ZKSCAN5: variants seen among roughly 807,000 people sequenced by gnomAD.
ZKSCAN5 encodes the protein zinc finger with KRAB and SCAN domains 5, also known as zinc finger protein with KRAB and SCAN domains 5.
In ZKSCAN5, 28 loss-of-function variants were observed where a neutral mutation model predicts 60.0. The ratio of observed to expected loss-of-function variants is 0.47; its 90% CI spans 0.35 to 0.64. The LOEUF (loss-of-function observed/expected upper bound fraction) is 0.64. Ranked by LOEUF, ZKSCAN5 falls within the 30% of genes least tolerant of loss-of-function variation. ZKSCAN5 has a pLI of 0.01. For missense variants in ZKSCAN5, 881 were observed against 1,034.6 expected (o/e 0.85, Z 2.04); for synonymous variants, 361 against 371.2 (o/e 0.97, Z 0.31).
intron 3 of ZKSCAN5, among the ~76,000 whole-genome samples, chr7:99,515,336 G>A (rs1050694435): frequency 6.6e-6 from 1 of 151,990 alleles, no homozygotes; most frequent in Non-Finnish European, 1.5e-5. Context: ...GAACACGGGA[G>A]GCAGAGGTTG....
At chr7:99,511,776 G>A (rs1233102926) in intron 2 of ZKSCAN5, among the ~76,000 whole-genome samples, 1 of 151,332 alleles carries the variant, frequency 6.6e-6, no homozygotes, top group East Asian at 2.0e-4. Context: ...CGTTTTTCCC[G>A]GCTGGCTTCT....
chr7:99,516,621 G>T (rs1801276393), intron 3 of ZKSCAN5, among the ~76,000 whole-genome samples: 1 of 152,128 alleles, frequency 6.6e-6, no homozygotes, highest in Non-Finnish European at 1.5e-5. Flanking sequence ...GTGAGATCCA[G>T]ACATGCTGTG....
At chr7:99,527,458 T>A (rs1427065348) in intron 6 of ZKSCAN5, among the ~76,000 whole-genome samples, 5 of 152,168 alleles carry the variant, frequency 3.3e-5, no homozygotes, top group African/African-American at 1.2e-4. Flanking sequence ...TGTTATTACT[T>A]AGTATGTTTC....
chr7:99,531,443 A>G lies in ZKSCAN5; in HGVS notation c.1714A>G (p.Thr572Ala). The change falls in exon 7 of 7, where the codon ACT becomes GCT. Residue 572 changes from threonine to alanine, a missense_variant. This residue lies in a region of ZKSCAN5 where 490 missense variants were observed against 554.5 expected (regional missense o/e 0.88). Coordinates refer to ENST00000326775, the MANE Select transcript of ZKSCAN5 (RefSeq NM_145102.4). ...TCTTATTCAACATCAAAGAATACACACTGGGGAGAAACCATTCAGGTGTGA... is the reference window on the plus strand; with the variant it reads ...TCTTATTCAACATCAAAGAATACACGCTGGGGAGAAACCATTCAGGTGTGA... The part of the protein sequence containing the change: ...AHLIQHQRIH[T>A]GEKPFRCEEC... The G allele has an allele frequency of 6.2e-7, 1 of 1,614,216 alleles. No individual in the cohort carries two copies. The highest frequency in any genetic ancestry group is 8.5e-7 in the Non-Finnish European group (1 of 1,180,032).
chr7:99,521,532 A>G (rs1289377942), intron 5 of ZKSCAN5, among the ~76,000 whole-genome samples: 1 of 152,126 alleles, frequency 6.6e-6, no homozygotes, highest in Non-Finnish European at 1.5e-5. Flanking sequence ...ACATTATGTC[A>G]GTTTACATTG....
Position 99,532,161 on chromosome 7 carries a change from G to T in ZKSCAN5, c.2432G>T (p.Ser811Ile). Reference sequence around the variant, plus strand: ...TGTAAAGAATGTGGAATGAATTTCAGCTGGAGTTGTAGCCTCTTTAAACAC... The same window carrying T: ...TGTAAAGAATGTGGAATGAATTTCATCTGGAGTTGTAGCCTCTTTAAACAC... ...FQCKECGMNF[S>I]WSCSLFKHLR... Residue 811 changes from serine to isoleucine, a missense_variant, in exon 7 of 7, where the codon AGC (serine) becomes ATC (isoleucine). Transcript: ENST00000326775. 1 of 1,613,714 alleles carries T rather than the reference G, an allele frequency of 6.2e-7. No homozygotes were observed. The highest frequency in any genetic ancestry group is 1.6e-4 in the Middle Eastern group (1 of 6,062).
intron 5 of ZKSCAN5, among the ~76,000 whole-genome samples, chr7:99,521,579 A>AGT (rs1247797137): frequency 6.6e-6 from 1 of 152,096 alleles, no homozygotes; most frequent in Non-Finnish European, 1.5e-5. Flanking sequence ...CTTTTATTTA[A>AGT]CAGGTATACA....
Position 99,531,514 on chromosome 7 carries a change from TC to T in ZKSCAN5, c.1786del (p.Gln596SerfsTer21). The T allele has an allele frequency of 6.2e-7, 1 of 1,614,208 alleles. No individual in the cohort carries two copies. Among genetic ancestry groups the T allele is most frequent in the South Asian group, 1.1e-5 (1 of 91,086 alleles). On this transcript the variant is annotated frameshift_variant, in exon 7 of 7. Coordinates refer to ENST00000326775, the MANE Select transcript of ZKSCAN5 (RefSeq NM_145102.4). LOFTEE classifies it high-confidence loss of function. ...YNQRVHLTQHQRVHTGEKPYT... is the reference protein window; with the variant it reads ...YNQRVHLTQHXRVHTGEKPYT... Reference sequence around the variant, plus strand: ...ACCAACGCGTGCACCTAACTCAGCATCAGCGCGTCCACACAGGTGAGAAGCC... The same window carrying T: ...ACCAACGCGTGCACCTAACTCAGCATAGCGCGTCCACACAGGTGAGAAGCC...
intron 5 of ZKSCAN5, among the ~76,000 whole-genome samples, chr7:99,524,020 TC>T (rs1801660565): frequency 6.6e-6 from 1 of 151,628 alleles, no homozygotes; most frequent in Non-Finnish European, 1.5e-5. Context: ...CAGAAAACTC[TC>T]CTCATGAAAA....
chr7:99,505,676 G>A (rs1800690528), intron 1 of ZKSCAN5: 1 of 192,874 alleles, frequency 5.2e-6, no homozygotes, highest in Non-Finnish European at 1.1e-5. Flanking sequence ...GTCTGGACTA[G>A]TTAGTCTCGT....
At chr7:99,511,131 G>A (rs765083670) in intron 2 of ZKSCAN5, among the ~76,000 whole-genome samples, 7 of 152,180 alleles carry the variant, frequency 4.6e-5, no homozygotes, top group Non-Finnish European at 8.8e-5. Flanking sequence ...TGTAAGGGAG[G>A]GAGAAAAGGG....
chr7:99,505,630 T>G, intron 1 of ZKSCAN5: 1 of 172,634 alleles, frequency 5.8e-6, no homozygotes, highest in Admixed American at 5.5e-5. Flanking sequence ...TATTCCGACT[T>G]AAGTTCGTCT....
At position 99,508,815 on chromosome 7, in the gene ZKSCAN5, CT is replaced by C. The variant is rs1411652129; in HGVS notation, c.414+2372del. Among the ~76,000 whole-genome samples, 1,226 of 126,626 alleles carry C rather than the reference CT, an allele frequency of 9.7e-3. 9 individuals are homozygous for C. Among genetic ancestry groups the C allele is most frequent in the African/African-American group, 0.03 (1,041 of 34,286 alleles). The allele number at this position is 126,626 out of a possible 152,430, so 83.1% of individuals were successfully genotyped here. ...TTTTTCTTTCTTTCTTTCTTTCTTT[CT>C]TTTTTTTTTTTTTTGGAGACAAGGT... On this transcript the variant is annotated intron_variant, in intron 2 of 6. Coordinates refer to ENST00000326775, the MANE Select transcript of ZKSCAN5 (RefSeq NM_145102.4).
intron 3 of ZKSCAN5, 107 bp downstream of exon 3, chr7:99,512,698 T>C: frequency 7.1e-7 from 1 of 1,412,978 alleles, no homozygotes; most frequent in South Asian, 1.5e-5. Flanking sequence ...GCAGCCTCTC[T>C]ACAGCCTGCA....
rs55645332 is a variant in ZKSCAN5 at position 99,509,796 on chromosome 7, A to G, written c.415-2657A>G. Among the ~76,000 whole-genome samples the G allele has an allele frequency of 3.2e-3, 490 of 151,890 alleles. 3 individuals are homozygous for G. Among genetic ancestry groups the G allele is most frequent in the African/African-American group, 0.011 (448 of 41,450 alleles). On this transcript the variant is annotated intron_variant, in intron 2 of 6. Coordinates refer to ENST00000326775, the MANE Select transcript of ZKSCAN5 (RefSeq NM_145102.4). Reference sequence around the variant, plus strand: ...ATATATTTTTAAAGATTATTTGTATACCCTTTTATGGTGGTGAATTGTCTG... The same window carrying G: ...ATATATTTTTAAAGATTATTTGTATGCCCTTTTATGGTGGTGAATTGTCTG...
In ZKSCAN5 at chr7:99,532,237, G is replaced by A. The variant is rs775155654; in HGVS notation, c.2508G>A (p.Gly836=). The change falls in exon 7 of 7, where the codon GGG becomes GGA. Residue 836 remains glycine (G), a synonymous_variant. Transcript: ENST00000326775. Reference sequence around the variant, plus strand: ...CCATAAATACCTTAAGTGTAGAGGGGTCTCTGTTGTAGAATAGCTCTTAAT... The same window carrying A: ...CCATAAATACCTTAAGTGTAGAGGGATCTCTGTTGTAGAATAGCTCTTAAT... ...TDPINTLSVE[G]SLL is the part of the protein sequence containing the mutation. The A allele has an allele frequency of 6.3e-7, 1 of 1,579,972 alleles. No homozygotes were observed. The highest frequency in any genetic ancestry group is 2.2e-5 in the East Asian group (1 of 44,740).
At position 99,506,083 on chromosome 7, in the gene ZKSCAN5, C is replaced by T. The variant is rs747925265; in HGVS notation, c.39C>T (p.Asp13=). 5.0e-6 allele frequency: 8 copies of T among 1,613,940 alleles called. No individual in the cohort carries two copies. Among genetic ancestry groups the T allele is most frequent in the Non-Finnish European group, 6.8e-6 (8 of 1,180,008 alleles). Residue 13 remains aspartate, a synonymous_variant, in exon 2 of 7, where the codon GAC becomes GAT. Transcript: ENST00000326775. ...AATCCCGAGAAGTTATAGACTTAGACCCCCCAGCTGAGACTTCCCAGGAGC... is the reference window on the plus strand; with the variant it reads ...AATCCCGAGAAGTTATAGACTTAGATCCCCCAGCTGAGACTTCCCAGGAGC... ...MTESREVIDL[D]PPAETSQEQE... is the part of the protein sequence containing the mutation.
chr7:99,518,171 G>A (rs1801348500), intron 3 of ZKSCAN5, among the ~76,000 whole-genome samples: 1 of 152,146 alleles, frequency 6.6e-6, no homozygotes, highest in African/African-American at 2.4e-5. Context: ...GCTCACACCT[G>A]TAATCCCAGC....
intron 3 of ZKSCAN5, among the ~76,000 whole-genome samples, chr7:99,516,510 C>G (rs1801272032): frequency 6.6e-6 from 1 of 152,104 alleles, no homozygotes; most frequent in Admixed American, 6.6e-5. Flanking sequence ...CGGATGCCCC[C>G]AGATCTCCAG....
Sources: allele counts gnomAD v4.1 joint callset (sites outside exome capture counted in the v4.1 genomes callset), GRCh38; gene constraint gnomAD v4.1.1; regional missense constraint gnomAD v4.1.1; transcripts MANE v1.5; gene names NCBI Gene and HGNC (gene_info 2026-07-23, HGNC 2026-07-21).